Variants in TRNAU1AP observed in about 807,000 individuals in gnomAD.
TRNAU1AP encodes the protein tRNA selenocysteine 1 associated protein 1.
Under a neutral mutation model 43.3 loss-of-function variants are expected in TRNAU1AP, and 33 were observed. That is an observed-to-expected ratio of 0.76 (90% confidence interval 0.58 to 1.02). The LOEUF (loss-of-function observed/expected upper bound fraction) is 1.02. TRNAU1AP is among the 50% of genes least tolerant of loss of function. The pLI, the probability that TRNAU1AP is intolerant of heterozygous loss-of-function variation, is 0.00. For synonymous variants in TRNAU1AP, 143 were observed against 129.1 expected (o/e 1.11, Z -0.73); for missense variants, 290 against 362.7 (o/e 0.80, Z 1.63).
chr1:28,571,548 G>A (rs191670563), intron 7 of TRNAU1AP, among the ~76,000 whole-genome samples: 130 of 152,172 alleles, frequency 8.5e-4, no homozygotes, highest in Non-Finnish European at 1.3e-3. Flanking sequence ...TTGAGAGGCC[G>A]AGGCAGGTAG....
chr1:28,571,197 A>G lies in TRNAU1AP; in HGVS notation c.552A>G (p.Glu184=), dbSNP rs1665654792. 4 of 1,614,102 alleles carry G rather than the reference A, an allele frequency of 2.5e-6. No homozygotes were observed. The highest frequency in any genetic ancestry group is 3.4e-6 in the Non-Finnish European group (4 of 1,179,972). ...TAAGGAGCCGTGTAAAGCCAGTGGAATATAGTCAGATGTACAGTTATAGCT... is the reference window on the plus strand; with the variant it reads ...TAAGGAGCCGTGTAAAGCCAGTGGAGTATAGTCAGATGTACAGTTATAGCT... ...IPKASRVKPV[E]YSQMYSYSYN... is the part of the protein sequence containing the mutation. The change falls in exon 7 of 9, where the codon GAA becomes GAG. Residue 184 remains glutamate, a synonymous_variant. Coordinates refer to ENST00000373830, the MANE Select transcript of TRNAU1AP (RefSeq NM_017846.5).
rs76411095 is a variant in TRNAU1AP, at chr1:28,561,348, G to A, written c.228G>A (p.Ala76=). The change falls in exon 4 of 9, where the codon GCG becomes GCA. Residue 76 remains alanine (A), a splice_region_variant and synonymous_variant. Transcript: ENST00000373830. ...TTTGTTTGTTTTTCAACTTCCAGGC[G>A]AAACGTTTTAAACTGAACTATGCCA... The part of the protein sequence containing the change: ...NGKPLPGATP[A]KRFKLNYATY... The A allele has an allele frequency of 0.015, 24,528 of 1,614,044 alleles. 271 individuals are homozygous for A. The highest frequency in any genetic ancestry group is 0.035 in the Middle Eastern group (210 of 6,062).
intron 8 of TRNAU1AP, among the ~76,000 whole-genome samples, chr1:28,576,220 C>T (rs2124221828): frequency 6.7e-6 from 1 of 149,812 alleles, no homozygotes; most frequent in Admixed American, 6.7e-5. Context: ...GTGATGTGAA[C>T]ATGCCTCACT....
chr1:28,553,099 C>T lies in TRNAU1AP; in HGVS notation c.-12C>T, dbSNP rs769211963. The T allele has an allele frequency of 9.2e-6, 14 of 1,524,622 alleles. No homozygotes were observed. In the East Asian group the frequency reaches 2.3e-4, roughly 25 times the overall value. 94.4% of individuals were successfully genotyped at this position (1,524,622 alleles called of 1,614,324 possible). A position where few individuals can be genotyped will look rare whatever the true frequency, so the allele number is the denominator to read the frequency against. ...GAGCCCCGCCCGCAAAGCCCCACCCCGGTGCGCGGGTATGGCGGCCAGCCT... is the reference window on the plus strand; with the variant it reads ...GAGCCCCGCCCGCAAAGCCCCACCCTGGTGCGCGGGTATGGCGGCCAGCCT... On this transcript the variant is annotated 5_prime_UTR_variant, in exon 1 of 9. Coordinates refer to ENST00000373830, the MANE Select transcript of TRNAU1AP (RefSeq NM_017846.5).
intron 2 of TRNAU1AP, among the ~76,000 whole-genome samples, chr1:28,557,292 C>G (rs976967660): frequency 6.6e-6 from 1 of 151,368 alleles, no homozygotes; most frequent in Non-Finnish European, 1.5e-5. Flanking sequence ...TGGTGGCGGG[C>G]GCCTGTAGTC....
intron 7 of TRNAU1AP, 34 bp from the exon 8 acceptor site, chr1:28,571,833 A>C: frequency 6.2e-7 from 1 of 1,601,932 alleles, no homozygotes; most frequent in East Asian, 2.2e-5. Context: ...GGATTTCACC[A>C]TGCCCCTAAC....
At chr1:28,561,159 A>C (rs965971751) in intron 3 of TRNAU1AP, 187 bp from the exon 4 acceptor site, 1 of 1,428,252 alleles carries the variant, frequency 7.0e-7, no homozygotes, top group African/African-American at 1.4e-5. Flanking sequence ...GGCTCATAGA[A>C]CCATGGAGCT....
intron 2 of TRNAU1AP, among the ~76,000 whole-genome samples, chr1:28,558,062 A>ATTTTTTTTT (rs998976595): frequency 7.4e-5 from 9 of 122,106 alleles, no homozygotes; most frequent in African/African-American, 2.3e-4. Context: ...TGCCTGGCTA[A>ATTTTTTTTT]TTTTTTTTTT....
chr1:28,576,217 G>A (rs1302270949), intron 8 of TRNAU1AP, among the ~76,000 whole-genome samples: 1 of 144,016 alleles, frequency 6.9e-6, no homozygotes, highest in East Asian at 2.1e-4. Flanking sequence ...TCAGTGATGT[G>A]AACATGCCTC....
chr1:28,566,425 C>T (rs1219046840), intron 5 of TRNAU1AP, among the ~76,000 whole-genome samples: 2 of 151,280 alleles, frequency 1.3e-5, no homozygotes, highest in African/African-American at 4.9e-5. Flanking sequence ...CGAGACCAGT[C>T]TGGCCAACAT....
rs562419352 is a variant in TRNAU1AP at position 28,577,678 on chromosome 1, TGAGA to T, written c.*45_*48del. 8 of 1,555,758 alleles carry T rather than the reference TGAGA, an allele frequency of 5.1e-6. No homozygotes were observed. The highest frequency in any genetic ancestry group is 3.6e-5 in the South Asian group (3 of 84,200). ...GCCAGGTTGCATGATGTGAGGGAGA[TGAGA>T]GACTCCTTTTTAAAAATTGTGAAAC... On this transcript the variant is annotated 3_prime_UTR_variant, in exon 9 of 9. Transcript: ENST00000373830.
chr1:28,571,206 G>T lies in TRNAU1AP; in HGVS notation c.561G>T (p.Gln187His), dbSNP rs1234833051. 6.2e-7 allele frequency: 1 copy of T among 1,614,006 alleles called. No homozygotes were observed. Among genetic ancestry groups the T allele is most frequent in the Non-Finnish European group, 8.5e-7 (1 of 1,179,994 alleles). ...GTGTAAAGCCAGTGGAATATAGTCA[G>T]ATGTACAGTTATAGCTACAACCAGT... ...ASRVKPVEYS[Q>H]MYSYSYNQYY... is the part of the protein sequence containing the mutation. The change falls in exon 7 of 9, where the codon CAG (glutamine) becomes CAT (histidine). Residue 187 changes from glutamine to histidine, a missense_variant. Transcript: ENST00000373830.
At chr1:28,568,146 G>A (rs1665580700) in intron 6 of TRNAU1AP, among the ~76,000 whole-genome samples, 1 of 152,048 alleles carries the variant, frequency 6.6e-6, no homozygotes, top group Non-Finnish European at 1.5e-5. Flanking sequence ...CCTGGGCAAC[G>A]GAGCAAGACT....
Position 28,553,156 on chromosome 1 carries a change from C to T in TRNAU1AP, c.27+19C>T. On this transcript the variant is annotated intron_variant, in intron 1 of 8. Coordinates refer to ENST00000373830, the MANE Select transcript of TRNAU1AP (RefSeq NM_017846.5). ...GGGCGACGTGAGTGAGGGCAGCCGT[C>T]CGGGGTCTGAAGACAAGGAAGCATC... 1 of 1,504,504 alleles carries T rather than the reference C, an allele frequency of 6.6e-7. No homozygotes were observed. The highest frequency in any genetic ancestry group is 8.9e-7 in the Non-Finnish European group (1 of 1,123,158). 93.2% of individuals were successfully genotyped at this position (1,504,504 alleles called of 1,614,324 possible). A position where few individuals can be genotyped will look rare whatever the true frequency, so the allele number is the denominator to read the frequency against.
At chr1:28,570,555 G>GT (rs1343114512) in intron 6 of TRNAU1AP, among the ~76,000 whole-genome samples, 1 of 148,422 alleles carries the variant, frequency 6.7e-6, no homozygotes, top group African/African-American at 2.5e-5. Context: ...GCCCTTTTTT[G>GT]TTTTGTTTTT....
Position 28,571,192 on chromosome 1 carries a change from G to GTT in TRNAU1AP, c.548_549insTT (p.Glu184TrpfsTer68). The GTT allele has an allele frequency of 6.2e-7, 1 of 1,614,098 alleles. No homozygotes were observed. Among genetic ancestry groups the GTT allele is most frequent in the Non-Finnish European group, 8.5e-7 (1 of 1,179,972 alleles). Reference sequence around the variant, plus strand: ...TCATTTAAGGAGCCGTGTAAAGCCAGTGGAATATAGTCAGATGTACAGTTA... The same window carrying GTT: ...TCATTTAAGGAGCCGTGTAAAGCCAGTTTGGAATATAGTCAGATGTACAGTTA... On this transcript the variant is annotated frameshift_variant, in exon 7 of 9. Coordinates refer to ENST00000373830, the MANE Select transcript of TRNAU1AP (RefSeq NM_017846.5). LOFTEE classifies it high-confidence loss of function.
chr1:28,556,586 A>G (rs954283556), intron 2 of TRNAU1AP, among the ~76,000 whole-genome samples: 4 of 143,594 alleles, frequency 2.8e-5, no homozygotes, highest in Non-Finnish European at 4.5e-5. Flanking sequence ...ATCTTGGCTC[A>G]CTGCAACCTC....
Position 28,561,413 on chromosome 1 carries a change from A to G in TRNAU1AP, c.278+15A>G. The G allele has an allele frequency of 6.2e-7, 1 of 1,613,890 alleles. No individual in the cohort carries two copies. The highest frequency in any genetic ancestry group is 8.5e-7 in the Non-Finnish European group (1 of 1,179,800). Reference sequence around the variant, plus strand: ...CCAGATAACAGGTAGGTACAAAGTCATGTCTAGACAGACATAAGATGTGTC... The same window carrying G: ...CCAGATAACAGGTAGGTACAAAGTCGTGTCTAGACAGACATAAGATGTGTC... On this transcript the variant is annotated intron_variant, in intron 4 of 8. Transcript: ENST00000373830.
intron 6 of TRNAU1AP, among the ~76,000 whole-genome samples, chr1:28,569,711 G>C (rs1219016340): frequency 2.1e-5 from 3 of 141,736 alleles, no homozygotes; most frequent in Non-Finnish European, 4.6e-5. Context: ...AAAAGGCCAG[G>C]TGCAGTGGCT....
Sources: gnomAD v4.1 joint callset for allele counts (sites outside exome capture counted in the v4.1 genomes callset) on GRCh38, gnomAD v4.1.1 for gene constraint, MANE v1.5 for transcripts, NCBI Gene and HGNC (gene_info 2026-07-23, HGNC 2026-07-21) for gene names.